Variants in ELOVL2 observed in about 807,000 individuals in gnomAD.
ELOVL2 encodes ELOVL fatty acid elongase 2.
A neutral mutation model predicts 37.7 loss-of-function variants in ELOVL2; 38 were observed. The observed-to-expected ratio is 1.01, with a 90% CI of 0.78 to 1.32. The LOEUF is 1.32. Ranked by LOEUF, ELOVL2 falls within the 40% of genes most tolerant of loss-of-function variation. The pLI is 0.00. For synonymous variants in ELOVL2, 115 were observed against 122.3 expected, an observed-to-expected ratio of 0.94 and a Z score of 0.40; for missense variants, 352 against 363.6, an observed-to-expected ratio of 0.97 and a Z score of 0.26.
chr6:11,000,836 G>A (rs1365358987), intron 3 of ELOVL2, among the ~76,000 whole-genome samples: 1 of 152,200 alleles, frequency 6.6e-6, no homozygotes, highest in East Asian at 1.9e-4. Flanking sequence ...TTTGATGAGT[G>A]TATGATTTGC....
Position 10,981,249 on chromosome 6 carries a change from AGG to A in ELOVL2, c.*2530_*2531del, listed in dbSNP as rs1385704172. ...AAGTATTTTCATTCCCATGGGTCAG[AGG>A]AAATTTGAGAGAAAACATTCTCCAT... On this transcript the variant is annotated 3_prime_UTR_variant, in exon 8 of 8. Coordinates refer to ENST00000354666, the MANE Select transcript of ELOVL2 (RefSeq NM_017770.4). The A allele has an allele frequency of 6.6e-6, 1 of 152,514 alleles. No homozygotes were observed. Among genetic ancestry groups the A allele is most frequent in the Non-Finnish European group, 1.5e-5 (1 of 68,036 alleles). 9.4% of individuals were successfully genotyped at this position (152,514 alleles called of 1,614,324 possible). A position where few individuals can be genotyped will look rare whatever the true frequency, so the allele number is the denominator to read the frequency against.
intron 7 of ELOVL2, among the ~76,000 whole-genome samples, chr6:10,988,325 G>C (rs941024508): frequency 2.6e-5 from 4 of 152,232 alleles, no homozygotes; most frequent in Admixed American, 2.6e-4. Context: ...AGCACTCTGG[G>C]AGGCCAAGGT....
At chr6:11,022,585 A>ATT (rs1782781179) in intron 1 of ELOVL2, among the ~76,000 whole-genome samples, 1 of 152,204 alleles carries the variant, frequency 6.6e-6, no homozygotes, top group African/African-American at 2.4e-5. Flanking sequence ...TGAAACATAA[A>ATT]TTATATACAC....
At chr6:11,027,346 T>A (rs1302338187) in intron 1 of ELOVL2, among the ~76,000 whole-genome samples, 1 of 151,970 alleles carries the variant, frequency 6.6e-6, no homozygotes, top group East Asian at 1.9e-4. Context: ...CTCAGATGAG[T>A]AGGAGCAGCT....
Position 11,006,138 on chromosome 6 carries a change from TTA to T in ELOVL2, c.68-581_68-580del, listed in dbSNP as rs576533791. Among the ~76,000 whole-genome samples, 1,257 of 152,310 alleles carry T rather than the reference TTA, an allele frequency of 8.3e-3. 7 individuals are homozygous for T. The highest frequency in any genetic ancestry group is 0.014 in the Non-Finnish European group (946 of 68,022). ...GCCTAGTATCAGTAATGGAAGGGGTTTAGAGTTCAGCTGGTTCAGAGAAAGCA... is the reference window on the plus strand; with the variant it reads ...GCCTAGTATCAGTAATGGAAGGGGTTGAGTTCAGCTGGTTCAGAGAAAGCA... On this transcript the variant is annotated intron_variant, in intron 2 of 7. Coordinates refer to ENST00000354666, the MANE Select transcript of ELOVL2 (RefSeq NM_017770.4).
intron 4 of ELOVL2, among the ~76,000 whole-genome samples, chr6:10,997,717 C>T (rs1369065799): frequency 1.3e-5 from 2 of 152,102 alleles, no homozygotes; most frequent in Non-Finnish European, 1.5e-5. Flanking sequence ...GTTTTTGGTA[C>T]GAATACTTCA....
chr6:11,029,677 A>C (rs1164017352), intron 1 of ELOVL2, among the ~76,000 whole-genome samples: 1 of 152,220 alleles, frequency 6.6e-6, no homozygotes, highest in Non-Finnish European at 1.5e-5. Flanking sequence ...TCAGAAGAGA[A>C]AGTGCAGTGG....
At chr6:11,037,646 C>T (rs1432157420) in intron 1 of ELOVL2, among the ~76,000 whole-genome samples, 1 of 152,024 alleles carries the variant, frequency 6.6e-6, no homozygotes, top group East Asian at 1.9e-4. Context: ...AGGCAGTGAG[C>T]CCTCAAGTCA....
rs191214691 is a variant in ELOVL2, at chr6:10,984,943, T to C, written c.766-1037A>G. 5.8e-3 allele frequency among the ~76,000 whole-genome samples: 882 copies of C among 152,264 alleles called. 11 individuals are homozygous for C. Among genetic ancestry groups the C allele is most frequent in the African/African-American group, 0.02 (827 of 41,538 alleles). On this transcript the variant is annotated intron_variant, in intron 7 of 7. Transcript: ENST00000354666. ...TCCCTGAGGAATCGCCACACTGACTTCCACAAGGGTTGAACTAGTTTACAG... is the reference window on the plus strand; with the variant it reads ...TCCCTGAGGAATCGCCACACTGACTCCCACAAGGGTTGAACTAGTTTACAG...
chr6:11,008,034 A>G (rs1782508715), intron 2 of ELOVL2, among the ~76,000 whole-genome samples: 1 of 152,194 alleles, frequency 6.6e-6, no homozygotes, highest in Non-Finnish European at 1.5e-5. Context: ...CTGAGTCAGT[A>G]TTTGCTCAGA....
chr6:10,997,270 G>A (rs1199646003), intron 4 of ELOVL2, among the ~76,000 whole-genome samples: 1 of 152,012 alleles, frequency 6.6e-6, no homozygotes, highest in Non-Finnish European at 1.5e-5. Flanking sequence ...CAAATCTCAG[G>A]TATCACTTTA....
Position 11,044,122 on chromosome 6 carries a change from C to T in ELOVL2, c.3+106G>A. 1 of 1,318,564 alleles carries T rather than the reference C, an allele frequency of 7.6e-7. No individual in the cohort carries two copies. The highest frequency in any genetic ancestry group is 9.8e-7 in the Non-Finnish European group (1 of 1,020,586). 81.7% of individuals were successfully genotyped at this position (1,318,564 alleles called of 1,614,324 possible). A position where few individuals can be genotyped will look rare whatever the true frequency, so the allele number is the denominator to read the frequency against. ...GGGTAGCGGGTTCCAGCGGCGAACC[C>T]GCAGCGCCCGCGCCGGCGCCCGCTC... On this transcript the variant is annotated intron_variant, in intron 1 of 7. Transcript: ENST00000354666. This position sits in a 1 kb window ranked among gnomAD's most constrained non-coding sequence, Gnocchi z 5.6.
At chr6:10,996,934 C>G (rs1782280092) in intron 4 of ELOVL2, among the ~76,000 whole-genome samples, 1 of 152,126 alleles carries the variant, frequency 6.6e-6, no homozygotes, top group South Asian at 2.1e-4. Flanking sequence ...CGCTTGAACC[C>G]AGGAGGCAGA....
Position 10,983,167 on chromosome 6 carries a change from C to G in ELOVL2, c.*614G>C, listed in dbSNP as rs1172139225. 2 of 152,178 alleles carry G rather than the reference C, an allele frequency of 1.3e-5. No individual in the cohort carries two copies. Among genetic ancestry groups the G allele is most frequent in the Non-Finnish European group, 2.9e-5 (2 of 68,026 alleles). The allele number at this position is 152,178 out of a possible 1,614,324, so 9.4% of individuals were successfully genotyped here. A position where few individuals can be genotyped will look rare whatever the true frequency, so the allele number is the denominator to read the frequency against. ...TAATATTTAAAATAAATACCAATTT[C>G]ATTACCATATCACTAAATTTAGAAT... On this transcript the variant is annotated 3_prime_UTR_variant, in exon 8 of 8. Transcript: ENST00000354666.
At chr6:11,004,339 C>T (rs888315713) in intron 3 of ELOVL2, among the ~76,000 whole-genome samples, 2 of 151,714 alleles carry the variant, frequency 1.3e-5, no homozygotes, top group Non-Finnish European at 2.9e-5. Flanking sequence ...CATTATCCAC[C>T]GCTTATAGCT....
intron 1 of ELOVL2, among the ~76,000 whole-genome samples, chr6:11,034,689 T>C (rs1041724857): frequency 3.5e-5 from 5 of 142,534 alleles, no homozygotes; most frequent in African/African-American, 1.1e-4. Context: ...TCTCAATAAA[T>C]AAATAAATAA....
chr6:11,042,737 C>T (rs962009340), intron 1 of ELOVL2, among the ~76,000 whole-genome samples: 8 of 151,974 alleles, frequency 5.3e-5, no homozygotes, highest in Non-Finnish European at 7.4e-5. Flanking sequence ...TATCTCCCTC[C>T]TCCCAAACTT....
intron 7 of ELOVL2, among the ~76,000 whole-genome samples, chr6:10,984,574 T>C (rs897953257): frequency 6.4e-5 from 9 of 140,866 alleles, no homozygotes; most frequent in African/African-American, 2.4e-4. Flanking sequence ...TGTGTTCTCA[T>C]TGTTCAATTC....
At chr6:11,027,639 G>A (rs1259185701) in intron 1 of ELOVL2, among the ~76,000 whole-genome samples, 4 of 151,910 alleles carry the variant, frequency 2.6e-5, no homozygotes, top group Non-Finnish European at 1.5e-5. Flanking sequence ...TCTTCCACAC[G>A]AGAGCCCTTC....
Sources: gnomAD v4.1 joint callset for allele counts (sites outside exome capture counted in the v4.1 genomes callset) on GRCh38, gnomAD v4.1.1 for gene constraint, Gnocchi (gnomAD v3.1) non-coding constraint, MANE v1.5 for transcripts, NCBI Gene and HGNC (gene_info 2026-07-23, HGNC 2026-07-21) for gene names.